Variants in UTS2 observed in about 807,000 individuals in gnomAD.
UTS2 encodes urotensin 2, also known as urotensin-2.
UTS2 carries 10 observed loss-of-function variants against 12.6 expected under a neutral mutation model. That is an observed-to-expected ratio of 0.80 (90% CI 0.49 to 1.35). The LOEUF is 1.35. Among genes scored for constraint, UTS2 ranks in the 40% most tolerant of loss-of-function variants. The probability of loss-of-function intolerance (pLI) is 0.00; values close to 1 mark genes in which losing one functional copy is unlikely to be tolerated. For missense variants in UTS2, 142 were observed against 143.2 expected (o/e 0.99, Z 0.04); for synonymous variants, 52 against 50.0 (o/e 1.04, Z -0.17).
chr1:7,866,601 C>T, the UTS2 span, among the ~76,000 whole-genome samples: 8 of 152,298 alleles, frequency 5.3e-5, no homozygotes, highest in Middle Eastern at 3.4e-3. This position sits in a 1 kb window ranked among gnomAD's most constrained non-coding sequence, Gnocchi z 4.5. Context: ...ATCTCCAAGA[C>T]GCAGCCAAGG....
the UTS2 span, among the ~76,000 whole-genome samples, chr1:7,867,692 A>G: frequency 6.6e-6 from 1 of 152,170 alleles, no homozygotes; most frequent in Non-Finnish European, 1.5e-5. Flanking sequence ...CCTGGCCAAC[A>G]TGGTGAAACT....
At chr1:7,856,314 G>A (rs997796948), upstream of UTS2, among the ~76,000 whole-genome samples, 6 of 152,184 alleles carry the variant, frequency 3.9e-5, no homozygotes, top group African/African-American at 1.4e-4. Context: ...ATTAACATAC[G>A]CTGTAGGAAT....
At chr1:7,852,777 G>A (rs1250441669) in intron 1 of UTS2, 124 bp downstream of exon 1, 4 of 1,100,680 alleles carry the variant, frequency 3.6e-6, no homozygotes, top group Admixed American at 2.8e-5. Flanking sequence ...TCAAAGCTGG[G>A]ACTATTGAGA....
the UTS2 span, among the ~76,000 whole-genome samples, chr1:7,877,139 A>AAG: frequency 3.0e-5 from 2 of 66,828 alleles, no homozygotes; most frequent in African/African-American, 7.8e-5. Flanking sequence ...AAAAAAAAAA[A>AAG]AAAGAAAAAA....
upstream of UTS2, among the ~76,000 whole-genome samples, chr1:7,858,050 G>T (rs2000237): frequency 0.15 from 23,256 of 152,100 alleles, 1,938 homozygotes; most frequent in Middle Eastern, 0.25. Context: ...GAACTCTGGG[G>T]CTCCAAGGAA....
the UTS2 span, among the ~76,000 whole-genome samples, chr1:7,867,599 G>T: frequency 6.6e-6 from 1 of 152,066 alleles, no homozygotes; most frequent in Non-Finnish European, 1.5e-5. Flanking sequence ...TCTGAAGACC[G>T]GGCACAGTGG....
the UTS2 span, among the ~76,000 whole-genome samples, chr1:7,894,132 CT>C: frequency 0.13 from 18,561 of 144,530 alleles, 1,667 homozygotes; most frequent in Non-Finnish European, 0.19. Flanking sequence ...TCTCTGATTT[CT>C]TTTTTTTTTT....
the UTS2 span, among the ~76,000 whole-genome samples, chr1:7,897,620 C>A: frequency 6.6e-6 from 1 of 152,004 alleles, no homozygotes; most frequent in Non-Finnish European, 1.5e-5. Flanking sequence ...TTATGCTCAG[C>A]CTGTTGCCCA....
chr1:7,909,422 G>A, the UTS2 span, among the ~76,000 whole-genome samples: 2 of 151,424 alleles, frequency 1.3e-5, no homozygotes. Flanking sequence ...GTGCACCCCT[G>A]TAATCCAGCT....
chr1:7,852,947 T>C lies in UTS2; in HGVS notation c.57A>G (p.Leu19=). The change falls in exon 1 of 4, where the codon TTA becomes TTG. Residue 19 remains leucine, a synonymous_variant. Transcript: ENST00000361696. Reference sequence around the variant, plus strand: ...CCCTGGAGTCAAGGAGAGGAAGAGATAAGAGAGGATTTAAGAATCCTATGA... The same window carrying C: ...CCCTGGAGTCAAGGAGAGGAAGAGACAAGAGAGGATTTAAGAATCCTATGA... The part of the protein sequence containing the change: ...LLFIGFLNPL[L]SLPLLDSREI... 6.2e-7 allele frequency: 1 copy of C among 1,613,194 alleles called. No homozygotes were observed. Among genetic ancestry groups the C allele is most frequent in the Non-Finnish European group, 8.5e-7 (1 of 1,179,668 alleles).
rs377247052 is a variant in UTS2, at chr1:7,852,820, C to G, written c.103+81G>C. Reference sequence around the variant, plus strand: ...ACTCCAGACTCCTTCGAGCAGGAATCCCATTCTTATCTCTAACATTGAATT... The same window carrying G: ...ACTCCAGACTCCTTCGAGCAGGAATGCCATTCTTATCTCTAACATTGAATT... On this transcript the variant is annotated intron_variant, in intron 1 of 3. Transcript: ENST00000361696. The G allele has an allele frequency of 3.4e-6, 5 of 1,465,570 alleles. No homozygotes were observed. The African/African-American group carries it at 5.7e-5, about 17-fold the overall frequency. 90.8% of individuals were successfully genotyped at this position (1,465,570 alleles called of 1,614,324 possible).
chr1:7,875,060 T>C, the UTS2 span, among the ~76,000 whole-genome samples: 5 of 151,872 alleles, frequency 3.3e-5, no homozygotes, highest in Non-Finnish European at 2.9e-5. Flanking sequence ...TCTTTATTTT[T>C]TTTTTCTTTT....
At position 7,847,753 on chromosome 1, in the gene UTS2, T is replaced by TAA. The variant is rs771647583; in HGVS notation, c.*12_*13insTT. The TAA allele has an allele frequency of 2.5e-6, 4 of 1,579,504 alleles. No individual in the cohort carries two copies. Among genetic ancestry groups the TAA allele is most frequent in the Non-Finnish European group, 3.5e-6 (4 of 1,152,088 alleles). On this transcript the variant is annotated 3_prime_UTR_variant, in exon 4 of 4. Coordinates refer to ENST00000361696, the MANE Select transcript of UTS2 (RefSeq NM_006786.4). ...GGGTGTTTCTGAGCTGACTAACAGA[T>TAA]GCTTATTTCACTTCAGACACAGTAT... is the stretch of plus-strand genomic sequence containing the variant.
chr1:7,862,005 C>G, the UTS2 span, among the ~76,000 whole-genome samples: 27 of 151,890 alleles, frequency 1.8e-4, 1 homozygote, highest in South Asian at 5.2e-3. Flanking sequence ...CTCCGTGCCC[C>G]TGGTTCAAGC....
the UTS2 span, among the ~76,000 whole-genome samples, chr1:7,869,454 T>C: frequency 2.0e-5 from 3 of 152,344 alleles, no homozygotes; most frequent in African/African-American, 7.2e-5. Flanking sequence ...GCTGCATTCT[T>C]AGTGATGAGA....
At chr1:7,861,915 C>G in the UTS2 span, among the ~76,000 whole-genome samples, 17 of 143,006 alleles carry the variant, frequency 1.2e-4, no homozygotes, top group Admixed American at 9.8e-4. Context: ...CAAAACACCT[C>G]TTTTTTTTTT....
the UTS2 span, among the ~76,000 whole-genome samples, chr1:7,890,972 C>CCCCCT: frequency 3.2e-3 from 490 of 151,286 alleles, 13 homozygotes; most frequent in African/African-American, 0.011. Context: ...CCTCCACCCC[C>CCCCCT]CCCCACAAAA....
the UTS2 span, among the ~76,000 whole-genome samples, chr1:7,906,725 C>T: frequency 1.4e-4 from 22 of 152,094 alleles, no homozygotes; most frequent in African/African-American, 5.3e-4. Flanking sequence ...GTGAGAACAC[C>T]AATATGGATG....
upstream of UTS2, chr1:7,853,124 CAAAAAAA>C (rs34962249): frequency 1.7e-5 from 22 of 1,277,346 alleles, no homozygotes; most frequent in Non-Finnish European, 2.0e-5. Flanking sequence ...TCATCCTCTC[CAAAAAAA>C]AAAAAAAAAT....
Sources: gnomAD v4.1 joint callset for allele counts (sites outside exome capture counted in the v4.1 genomes callset) on GRCh38, gnomAD v4.1.1 for gene constraint, Gnocchi (gnomAD v3.1) non-coding constraint, MANE v1.5 for transcripts, NCBI Gene and HGNC (gene_info 2026-07-23, HGNC 2026-07-21) for gene names.